Variants in PPEF1 observed in about 807,000 individuals in gnomAD.
PPEF1 encodes the protein protein phosphatase with EF-hand domain 1.
In PPEF1, 12 loss-of-function variants were observed where a neutral mutation model predicts 53.3. That is an observed-to-expected ratio of 0.23 (90% CI 0.14 to 0.36). PPEF1 has a LOEUF of 0.36. Among genes scored for constraint, PPEF1 ranks in the 10% least tolerant of loss-of-function variants. The pLI is 1.00. For synonymous variants in PPEF1, 165 were observed against 176.7 expected (o/e 0.93, Z 0.52); for missense variants, 334 against 490.4 (o/e 0.68, Z 3.01).
At chrX:18,805,626 C>A (rs1272362188) in intron 11 of PPEF1, among the ~76,000 whole-genome samples, 1 of 109,581 alleles carries the variant, frequency 9.1e-6, no homozygotes, top group African/African-American at 3.3e-5. Context: ...AGGTGGATCA[C>A]GAGGTCAAGA....
intron 3 of PPEF1, among the ~76,000 whole-genome samples, chrX:18,690,355 CTTGT>C (rs1240491857): frequency 1.3e-4 from 12 of 92,166 alleles, no homozygotes; most frequent in Non-Finnish European, 2.1e-4. Flanking sequence ...TTTTCTAGGA[CTTGT>C]TTTTTTTTTT....
upstream of PPEF1, among the ~76,000 whole-genome samples, chrX:18,682,697 C>A (rs190582339): frequency 4.5e-5 from 5 of 112,091 alleles, no homozygotes; most frequent in Admixed American, 4.7e-4. Context: ...TCCTAATGAT[C>A]TGTGTCTCAA....
At chrX:18,741,496 GC>G (rs1444400236) in intron 3 of PPEF1, among the ~76,000 whole-genome samples, 2 of 111,701 alleles carry the variant, frequency 1.8e-5, no homozygotes, top group Non-Finnish European at 3.8e-5. Flanking sequence ...TCTTATAGAA[GC>G]TTTTTTGGAA....
At chrX:18,756,326 C>T (rs952373776) in intron 4 of PPEF1, among the ~76,000 whole-genome samples, 5 of 109,682 alleles carry the variant, frequency 4.6e-5, no homozygotes, top group East Asian at 2.9e-4. Context: ...ACTACAGGCG[C>T]GCCCCACCAT....
At chrX:18,746,953 A>C (rs934824665) in intron 3 of PPEF1, among the ~76,000 whole-genome samples, 1 of 111,611 alleles carries the variant, frequency 9.0e-6, no homozygotes, top group Non-Finnish European at 1.9e-5. Flanking sequence ...ACACATGTGT[A>C]AGGTGCTTAG....
chrX:18,712,699 G>A (rs2044355570), intron 1 of PPEF1, among the ~76,000 whole-genome samples: 1 of 111,795 alleles, frequency 8.9e-6, no homozygotes, highest in Non-Finnish European at 1.9e-5. Context: ...TGATCTTAAG[G>A]GAGAAACATT....
At chrX:18,807,588 A>G (rs778475865) in intron 12 of PPEF1, among the ~76,000 whole-genome samples, 3 of 112,243 alleles carry the variant, frequency 2.7e-5, no homozygotes, top group Non-Finnish European at 3.8e-5. Context: ...CTAGGCATAC[A>G]TAATATAAGA....
In PPEF1 at chrX:18,789,280, A is replaced by G. The variant is rs1489047318; in HGVS notation, c.1065+7A>G. On this transcript the variant is annotated splice_region_variant and intron_variant, in intron 10 of 15. Coordinates refer to ENST00000470157, the MANE Select transcript of PPEF1 (RefSeq NM_001377996.1). Reference sequence around the variant, plus strand: ...AGAGCATGAATGGGAACAGGTAGGTAATCAGGGTGTTCACTGCAGTGGCAA... The same window carrying G: ...AGAGCATGAATGGGAACAGGTAGGTGATCAGGGTGTTCACTGCAGTGGCAA... 2.5e-6 allele frequency: 3 copies of G among 1,204,303 alleles called. No homozygotes were observed. In the South Asian group the frequency reaches 5.3e-5, roughly 21 times the overall value.
chrX:18,681,346 G>T (rs1276812840), upstream of PPEF1, among the ~76,000 whole-genome samples: 1 of 112,252 alleles, frequency 8.9e-6, no homozygotes, highest in African/African-American at 3.2e-5. Flanking sequence ...CGACTGGAAT[G>T]AAAGATCCAT....
At chrX:18,751,281 T>G (rs2045439442) in intron 4 of PPEF1, among the ~76,000 whole-genome samples, 1 of 112,221 alleles carries the variant, frequency 8.9e-6, no homozygotes, top group African/African-American at 3.2e-5. Flanking sequence ...AAATCTAAGG[T>G]CATGAAGACT....
At chrX:18,782,315 G>A (rs762097636) in intron 7 of PPEF1, 51 bp from the exon 8 acceptor site, 4 of 1,023,840 alleles carry the variant, frequency 3.9e-6, no homozygotes, top group Admixed American at 2.6e-5. Context: ...CATGACTCAT[G>A]GAAGTAGGCG....
chrX:18,701,203 T>G (rs1166558035), intron 6 of PPEF1, among the ~76,000 whole-genome samples: 13 of 112,331 alleles, frequency 1.2e-4, no homozygotes, highest in Admixed American at 9.4e-4. Flanking sequence ...TAGCTACTAT[T>G]ATGATTACTG....
chrX:18,726,980 T>C (rs2044724075), intron 1 of PPEF1, among the ~76,000 whole-genome samples: 3 of 112,401 alleles, frequency 2.7e-5, no homozygotes, highest in African/African-American at 6.5e-5. Context: ...TTATTTGTTA[T>C]TGATGTTGCT....
At chrX:18,801,135 G>A (rs1487348040) in intron 10 of PPEF1, among the ~76,000 whole-genome samples, 4 of 111,953 alleles carry the variant, frequency 3.6e-5, no homozygotes, top group African/African-American at 9.7e-5. Flanking sequence ...AGAGTAGGGC[G>A]GTGCTGATGT....
At chrX:18,826,421 T>C (rs1206101559) in intron 15 of PPEF1, among the ~76,000 whole-genome samples, 1 of 78,241 alleles carries the variant, frequency 1.3e-5, no homozygotes, top group African/African-American at 5.0e-5. Context: ...TTTCTGCTTT[T>C]TTTTTTTTTT....
rs748483167 is a variant in PPEF1, at chrX:18,752,534, G to A, written c.396+2582G>A. 6.3e-5 allele frequency among the ~76,000 whole-genome samples: 7 copies of A among 111,007 alleles called. No individual in the cohort carries two copies. In the Admixed American group the frequency reaches 6.8e-4, roughly 11 times the overall value. The stretch of plus-strand genomic sequence containing the variant: ...TGGCTAGAACTTCCACCACAATATT[G>A]AATAGCAGTGTGAAAGTAGGCATGT... On this transcript the variant is annotated intron_variant, in intron 4 of 15. Transcript: ENST00000470157.
At chrX:18,679,964 G>T (rs1405226548), upstream of PPEF1, among the ~76,000 whole-genome samples, 1 of 109,379 alleles carries the variant, frequency 9.1e-6, no homozygotes, top group Non-Finnish European at 1.9e-5. Context: ...TGGCATGCAC[G>T]TGTAATCCCA....
chrX:18,682,640 G>T (rs756884451), upstream of PPEF1, among the ~76,000 whole-genome samples: 33 of 111,456 alleles, frequency 3.0e-4, no homozygotes, highest in Admixed American at 6.7e-4. Context: ...TCCTAGCTTT[G>T]CTTAAGCCAG....
intron 3 of PPEF1, among the ~76,000 whole-genome samples, chrX:18,748,135 A>C (rs1291395697): frequency 8.9e-6 from 1 of 112,005 alleles, no homozygotes; most frequent in African/African-American, 3.2e-5. Context: ...TTAAATCTCA[A>C]ACCAAACCCA....
Sources: gnomAD v4.1 joint callset for allele counts (sites outside exome capture counted in the v4.1 genomes callset) on GRCh38, gnomAD v4.1.1 for gene constraint, MANE v1.5 for transcripts, NCBI Gene and HGNC (gene_info 2026-07-23, HGNC 2026-07-21) for gene names.